Variants in RUNX1 observed in about 807,000 individuals in gnomAD.
RUNX1 encodes RUNX family transcription factor 1.
Under a neutral mutation model 42.8 loss-of-function variants are expected in RUNX1, and 19 were observed. That is an observed-to-expected ratio of 0.44 (90% CI 0.31 to 0.65). The LOEUF (loss-of-function observed/expected upper bound fraction) is 0.65. RUNX1 is among the 30% of genes least tolerant of loss of function. RUNX1 has a pLI of 0.07. For missense variants in RUNX1, 528 were observed against 672.0 expected (o/e 0.79, Z 2.37); for synonymous variants, 271 against 289.4 (o/e 0.94, Z 0.64).
chr21:34,960,114 A>G (rs555098945), intron 2 of RUNX1, among the ~76,000 whole-genome samples: 2 of 152,312 alleles, frequency 1.3e-5, no homozygotes, highest in East Asian at 1.9e-4. Flanking sequence ...ATCGGTCACA[A>G]GAGAGAAGCT....
chr21:35,029,898 G>A (rs1273824184), intron 2 of RUNX1, among the ~76,000 whole-genome samples: 5 of 152,184 alleles, frequency 3.3e-5, no homozygotes, highest in Admixed American at 6.5e-5. Flanking sequence ...TCTGTTCTGC[G>A]CATTGTGGGC....
chr21:34,980,605 A>C (rs527901546), intron 2 of RUNX1, among the ~76,000 whole-genome samples: 1 of 152,300 alleles, frequency 6.6e-6, no homozygotes, highest in African/African-American at 2.4e-5. Flanking sequence ...GTTCTCTTTT[A>C]AAATGACCTC....
chr21:34,888,511 A>G (rs2058030708), intron 3 of RUNX1: 2 of 1,066,070 alleles, frequency 1.9e-6, no homozygotes, highest in Admixed American at 5.3e-5. Context: ...AAAACAAAAA[A>G]AAACAACAAA....
At chr21:34,996,220 C>A (rs2058994048) in intron 2 of RUNX1, among the ~76,000 whole-genome samples, 1 of 152,094 alleles carries the variant, frequency 6.6e-6, no homozygotes, top group Non-Finnish European at 1.5e-5. Flanking sequence ...CCTGCCTAAA[C>A]CAGGCTTGAG....
chr21:34,916,784 G>A (rs1052680462), intron 2 of RUNX1, among the ~76,000 whole-genome samples: 1 of 152,208 alleles, frequency 6.6e-6, no homozygotes, highest in African/African-American at 2.4e-5. Flanking sequence ...GAGGGCCCAG[G>A]CAGAACAGAA....
At chr21:34,996,612 T>C (rs780158861) in intron 2 of RUNX1, among the ~76,000 whole-genome samples, 2 of 138,724 alleles carry the variant, frequency 1.4e-5, no homozygotes, top group Non-Finnish European at 3.1e-5. Flanking sequence ...AAATATTAGC[T>C]AGCTTGAAGA....
intron 3 of RUNX1, chr21:34,889,587 G>T: frequency 1.1e-6 from 1 of 874,412 alleles, no homozygotes; most frequent in Non-Finnish European, 1.4e-6. Flanking sequence ...GCCTGCCCGG[G>T]CCCCGCGTCT....
intron 2 of RUNX1, among the ~76,000 whole-genome samples, chr21:34,911,896 C>G (rs1265888767): frequency 1.3e-5 from 2 of 152,166 alleles, no homozygotes; most frequent in Non-Finnish European, 2.9e-5. Context: ...CATGGCTGCT[C>G]AACCGTCATC....
chr21:34,939,274 C>T (rs1243530143), intron 2 of RUNX1, among the ~76,000 whole-genome samples: 1 of 152,190 alleles, frequency 6.6e-6, no homozygotes, highest in African/African-American at 2.4e-5. Context: ...ATTCTAACAG[C>T]TGCCTCTGCA....
chr21:35,005,079 A>G (rs2146889517), intron 2 of RUNX1, among the ~76,000 whole-genome samples: 1 of 152,316 alleles, frequency 6.6e-6, no homozygotes, highest in Admixed American at 6.5e-5. Flanking sequence ...GTTGAAAGAG[A>G]AGGCATAGGT....
At chr21:34,954,245 G>A (rs752932355) in intron 2 of RUNX1, among the ~76,000 whole-genome samples, 7 of 152,210 alleles carry the variant, frequency 4.6e-5, no homozygotes, top group African/African-American at 1.7e-4. Flanking sequence ...ATAAGATTCA[G>A]TCCTACAGTC....
intron 2 of RUNX1, among the ~76,000 whole-genome samples, chr21:34,973,512 C>G (rs111669635): frequency 0.021 from 3,189 of 152,264 alleles, 120 homozygotes; most frequent in African/African-American, 0.072. Flanking sequence ...TTTATTTTCT[C>G]TTACAGTTTT....
At chr21:34,976,285 G>A (rs944122289) in intron 2 of RUNX1, among the ~76,000 whole-genome samples, 4 of 152,132 alleles carry the variant, frequency 2.6e-5, no homozygotes, top group African/African-American at 9.7e-5. Context: ...ATCATCAACT[G>A]CCTTTCCCAA....
intron 2 of RUNX1, among the ~76,000 whole-genome samples, chr21:34,959,010 T>A (rs2058665027): frequency 7.0e-6 from 1 of 143,738 alleles, no homozygotes; most frequent in African/African-American, 2.6e-5. Flanking sequence ...TGAGAACACA[T>A]GGACACAGGA....
chr21:34,865,747 G>A (rs1432291726), intron 5 of RUNX1, among the ~76,000 whole-genome samples: 4 of 152,290 alleles, frequency 2.6e-5, no homozygotes, highest in South Asian at 4.2e-4. Flanking sequence ...ATGGCCCAGC[G>A]CACTCTCCAC....
chr21:34,810,592 C>T (rs2056745209), intron 7 of RUNX1, among the ~76,000 whole-genome samples: 1 of 152,136 alleles, frequency 6.6e-6, no homozygotes. Flanking sequence ...AGGACAGAGA[C>T]CCTAGCTTGG....
At chr21:34,823,430 G>GTTTTTTTTTTTTTTTT (rs56957776) in intron 7 of RUNX1, among the ~76,000 whole-genome samples, 2 of 99,710 alleles carry the variant, frequency 2.0e-5, no homozygotes, top group Admixed American at 1.0e-4. Context: ...TTCCTGGTGG[G>GTTTTTTTTTTTTTTTT]TTTTTTTTTT....
intron 2 of RUNX1, among the ~76,000 whole-genome samples, chr21:35,019,571 C>T (rs1343367089): frequency 2.6e-5 from 4 of 152,110 alleles, no homozygotes; most frequent in East Asian, 3.8e-4. Context: ...TATCTATATT[C>T]GGACAAAGCA....
chr21:34,974,353 C>T (rs372241045), intron 2 of RUNX1, among the ~76,000 whole-genome samples: 16 of 150,196 alleles, frequency 1.1e-4, no homozygotes, highest in East Asian at 9.7e-4. Flanking sequence ...TCTACGGAAA[C>T]GAGGGCAAGC....
Sources: gnomAD v4.1 joint callset for allele counts (sites outside exome capture counted in the v4.1 genomes callset) on GRCh38, gnomAD v4.1.1 for gene constraint, MANE v1.5 for transcripts, NCBI Gene and HGNC (gene_info 2026-07-23, HGNC 2026-07-21) for gene names.